The following FER1L6 variants were observed in gnomAD, a reference collection of about 807,000 sequenced individuals.
The protein encoded by FER1L6 is fer-1 like family member 6.
FER1L6 carries 177 observed loss-of-function variants against 219.2 expected under a neutral mutation model. That is an observed-to-expected ratio of 0.81 (90% CI 0.71 to 0.91). The LOEUF is 0.91. FER1L6 is among the 40% of genes least tolerant of loss of function. FER1L6 has a pLI of 0.00. For synonymous variants in FER1L6, 768 were observed against 824.3 expected (o/e 0.93, Z 1.17); for missense variants, 2,153 against 2,259.9 (o/e 0.95, Z 0.96).
intron 34 of FER1L6, among the ~76,000 whole-genome samples, chr8:124,091,852 A>T (rs575771685): frequency 6.6e-6 from 1 of 152,200 alleles, no homozygotes; most frequent in East Asian, 1.9e-4. Context: ...CTGTAATCCC[A>T]GCTACTGGGG....
At chr8:124,006,595 C>T (rs370178994) in intron 13 of FER1L6, among the ~76,000 whole-genome samples, 6 of 152,196 alleles carry the variant, frequency 3.9e-5, no homozygotes, top group African/African-American at 1.2e-4. Flanking sequence ...CTGGGCTTTC[C>T]AGTGTTGCAA....
chr8:123,975,119 A>T (rs199840238), intron 7 of FER1L6, 31 bp from the exon 8 acceptor site: 68 of 1,540,408 alleles, frequency 4.4e-5, no homozygotes, highest in Non-Finnish European at 5.6e-5. Flanking sequence ...CCCATCTGTG[A>T]AGGATGTGAG....
intron 34 of FER1L6, among the ~76,000 whole-genome samples, chr8:124,091,841 C>T (rs1322204077): frequency 6.6e-6 from 1 of 151,670 alleles, no homozygotes; most frequent in Non-Finnish European, 1.5e-5. Flanking sequence ...GTGGCAGATG[C>T]CTGTAATCCC....
intron 31 of FER1L6, among the ~76,000 whole-genome samples, chr8:124,074,170 G>T (rs1821185389): frequency 6.6e-6 from 1 of 152,112 alleles, no homozygotes; most frequent in African/African-American, 2.4e-5. Context: ...GACAGTTTAA[G>T]GCCTAGGTTG....
intron 1 of FER1L6, among the ~76,000 whole-genome samples, chr8:123,931,135 C>T (rs1713507015): frequency 6.6e-6 from 1 of 152,180 alleles, no homozygotes; most frequent in Non-Finnish European, 1.5e-5. Context: ...GCCCTGCCTG[C>T]ATTTTCCGCA....
chr8:124,057,649 A>G (rs1820365422), intron 22 of FER1L6, among the ~76,000 whole-genome samples: 1 of 151,728 alleles, frequency 6.6e-6, no homozygotes. Flanking sequence ...AATTACATGT[A>G]TATTAGACCT....
intron 26 of FER1L6, 146 bp from the exon 27 acceptor site, chr8:124,066,282 C>G: frequency 3.7e-6 from 3 of 803,862 alleles, no homozygotes; most frequent in Non-Finnish European, 6.0e-6. Flanking sequence ...GGAAGTGATA[C>G]AGAGAGCTGC....
At chr8:123,956,898 A>G (rs1179654650) in intron 2 of FER1L6, among the ~76,000 whole-genome samples, 2 of 152,326 alleles carry the variant, frequency 1.3e-5, no homozygotes, top group East Asian at 1.9e-4. Flanking sequence ...CTTGAGTTAC[A>G]GGGTGAACTG....
At chr8:123,894,500 C>A (rs1812714978) in intron 1 of FER1L6, among the ~76,000 whole-genome samples, 2 of 152,152 alleles carry the variant, frequency 1.3e-5, no homozygotes, top group Admixed American at 6.6e-5. Flanking sequence ...TGAGATAAAT[C>A]ATGAGAAATT....
At chr8:124,064,128 A>G (rs1820717223) in intron 25 of FER1L6, among the ~76,000 whole-genome samples, 1 of 152,154 alleles carries the variant, frequency 6.6e-6, no homozygotes, top group African/African-American at 2.4e-5. Context: ...TTTATTGATG[A>G]CCCATTATGT....
At chr8:124,097,651 C>T (rs1393712993) in intron 36 of FER1L6, 134 bp from the exon 37 acceptor site, 3 of 628,748 alleles carry the variant, frequency 4.8e-6, no homozygotes, top group Non-Finnish European at 8.5e-6. Flanking sequence ...AGAACCAAGC[C>T]CCTAAGTGTT....
At chr8:123,976,441 G>A (rs1028388337) in intron 9 of FER1L6, among the ~76,000 whole-genome samples, 4 of 151,984 alleles carry the variant, frequency 2.6e-5, no homozygotes, top group Admixed American at 2.6e-4. Context: ...CTTGAGAGGC[G>A]GAGGTTGCAG....
chr8:123,914,803 G>T (rs1813135920), intron 1 of FER1L6, among the ~76,000 whole-genome samples: 1 of 152,144 alleles, frequency 6.6e-6, no homozygotes, highest in South Asian at 2.1e-4. Flanking sequence ...TAGACTTAAG[G>T]GTTAGTAAGA....
intron 31 of FER1L6, among the ~76,000 whole-genome samples, chr8:124,075,331 AAAAC>A (rs145022168): frequency 0.072 from 11,028 of 152,208 alleles, 544 homozygotes; most frequent in Non-Finnish European, 0.11. Context: ...GTTAAAAACT[AAAAC>A]AAACACACAC....
intron 39 of FER1L6, among the ~76,000 whole-genome samples, chr8:124,104,053 G>A (rs935559795): frequency 6.6e-6 from 1 of 152,218 alleles, no homozygotes; most frequent in East Asian, 1.9e-4. Flanking sequence ...GATCCAGTGG[G>A]TGTGAGGCAG....
At chr8:124,040,291 C>T (rs1032161051) in intron 20 of FER1L6, 9 of 407,266 alleles carry the variant, frequency 2.2e-5, no homozygotes, top group East Asian at 1.6e-4. Flanking sequence ...GTGCCAGGCA[C>T]GAGGCCAAGT....
intron 1 of FER1L6, among the ~76,000 whole-genome samples, chr8:123,859,299 C>A (rs1255900776): frequency 6.6e-6 from 1 of 152,138 alleles, no homozygotes; most frequent in Non-Finnish European, 1.5e-5. Flanking sequence ...CCATGCCTAG[C>A]CTATTTATTT....
chr8:123,970,159 C>A, intron 6 of FER1L6, 62 bp downstream of exon 6: 1 of 1,418,856 alleles, frequency 7.0e-7, no homozygotes, highest in Non-Finnish European at 1.0e-6. Flanking sequence ...GCATTGGGGA[C>A]TCTCTGGGAC....
chr8:124,066,544 C>T lies in FER1L6; in HGVS notation c.3672C>T (p.Ala1224=). The change falls in exon 27 of 41, where the codon GCC becomes GCT. Residue 1224 remains alanine, a synonymous_variant. Transcript: ENST00000522917. The part of the protein sequence containing the change: ...WSKYYASLKK[A]QKAKERNPKG... ...AGTATTATGCCTCCCTGAAGAAAGC[C>T]CAGAAGGTAGAGTCTCCCCTACCTG... is the stretch of plus-strand genomic sequence containing the variant. 1 of 1,613,630 alleles carries T rather than the reference C, an allele frequency of 6.2e-7. No homozygotes were observed. The highest frequency in any genetic ancestry group is 8.5e-7 in the Non-Finnish European group (1 of 1,179,778).
Sources: gnomAD v4.1 joint callset for allele counts (sites outside exome capture counted in the v4.1 genomes callset) on GRCh38, gnomAD v4.1.1 for gene constraint, MANE v1.5 for transcripts, NCBI Gene and HGNC (gene_info 2026-07-23, HGNC 2026-07-21) for gene names.